Variants in ZDHHC13 observed in about 807,000 individuals in gnomAD.
The protein encoded by ZDHHC13 is palmitoyltransferase ZDHHC13.
A neutral mutation model predicts 86.0 loss-of-function variants in ZDHHC13; 85 were observed. That is an observed-to-expected ratio of 0.99 (90% CI 0.83 to 1.18). ZDHHC13 has a LOEUF of 1.18. ZDHHC13 is among the 50% of genes most tolerant of loss of function. ZDHHC13 has a pLI of 0.00. For missense variants in ZDHHC13, 711 were observed against 730.2 expected, an observed-to-expected ratio of 0.97 and a Z score of 0.30; for synonymous variants, 263 against 246.4, an observed-to-expected ratio of 1.07 and a Z score of -0.63.
chr11:19,127,304 G>C (rs945427426), intron 1 of ZDHHC13, among the ~76,000 whole-genome samples: 1 of 152,012 alleles, frequency 6.6e-6, no homozygotes, highest in African/African-American at 2.4e-5. Context: ...AATGGGGTTT[G>C]TTTTTGTCCT....
intron 1 of ZDHHC13, among the ~76,000 whole-genome samples, chr11:19,118,226 A>G (rs2133348773): frequency 6.6e-6 from 1 of 152,286 alleles, no homozygotes; most frequent in East Asian, 1.9e-4. Flanking sequence ...TAGGCGGTAG[A>G]TTCTCAGTTT....
At chr11:19,130,916 G>T (rs1848985517) in intron 1 of ZDHHC13, among the ~76,000 whole-genome samples, 1 of 151,996 alleles carries the variant, frequency 6.6e-6, no homozygotes, top group African/African-American at 2.4e-5. Flanking sequence ...CGCGATATCG[G>T]CTCACTGCAA....
At chr11:19,168,713 C>T in intron 14 of ZDHHC13, 1 of 758,694 alleles carries the variant, frequency 1.3e-6, no homozygotes, top group Non-Finnish European at 1.6e-6. Flanking sequence ...ATCCCACCTC[C>T]CTTGTTTACC....
At chr11:19,126,685 A>C (rs1233457240) in intron 1 of ZDHHC13, among the ~76,000 whole-genome samples, 1 of 151,674 alleles carries the variant, frequency 6.6e-6, no homozygotes, top group African/African-American at 2.4e-5. Flanking sequence ...AGTTCTCATC[A>C]TTTAGCTCCC....
At position 19,117,494 on chromosome 11, in the gene ZDHHC13, G is replaced by T. The variant is rs1199186567; in HGVS notation, c.27+218G>T. On this transcript the variant is annotated intron_variant, in intron 1 of 16. Coordinates refer to ENST00000446113, the MANE Select transcript of ZDHHC13 (RefSeq NM_019028.3). This position sits in a 1 kb window ranked among gnomAD's most constrained non-coding sequence, Gnocchi z 4.2. ...GGCGAGGACTGAGGGGTGAGGGCCC[G>T]AGCCGGCCCCTCCAGCCTCCATCCC... is the stretch of plus-strand genomic sequence containing the variant. Among the ~76,000 whole-genome samples the T allele has an allele frequency of 1.3e-5, 2 of 152,130 alleles. No individual in the cohort carries two copies. Among genetic ancestry groups the T allele is most frequent in the African/African-American group, 4.8e-5 (2 of 41,442 alleles).
At chr11:19,155,672 G>A (rs1006242498) in intron 8 of ZDHHC13, 124 bp from the exon 9 acceptor site, 3 of 975,446 alleles carry the variant, frequency 3.1e-6, no homozygotes, top group African/African-American at 1.8e-5. Context: ...GGAAAACTTT[G>A]TGTTAGCTTT....
intron 1 of ZDHHC13, among the ~76,000 whole-genome samples, chr11:19,124,921 G>T (rs1429325207): frequency 6.6e-6 from 1 of 152,010 alleles, no homozygotes; most frequent in Non-Finnish European, 1.5e-5. Flanking sequence ...TTGAGCCCTG[G>T]AAATAAGCAT....
chr11:19,170,622 T>G (rs1472217605), intron 15 of ZDHHC13, 54 bp downstream of exon 15: 6 of 1,439,010 alleles, frequency 4.2e-6, no homozygotes, highest in Middle Eastern at 1.9e-4. Context: ...AAACTTGTAG[T>G]GAGACAGCCT....
At chr11:19,163,103 C>T (rs1849956212) in intron 10 of ZDHHC13, among the ~76,000 whole-genome samples, 200 bp from the exon 11 acceptor site, 1 of 152,004 alleles carries the variant, frequency 6.6e-6, no homozygotes, top group Non-Finnish European at 1.5e-5. Context: ...TGAGCTTCAA[C>T]TAATAAGGAA....
chr11:19,132,400 G>T (rs866318983), intron 1 of ZDHHC13, among the ~76,000 whole-genome samples: 8 of 152,116 alleles, frequency 5.3e-5, no homozygotes, highest in African/African-American at 1.9e-4. Context: ...CTCCGCTTTG[G>T]CTGATCAGAG....
chr11:19,131,200 A>G (rs1246103916), intron 1 of ZDHHC13, among the ~76,000 whole-genome samples: 1 of 152,114 alleles, frequency 6.6e-6, no homozygotes, highest in Non-Finnish European at 1.5e-5. Flanking sequence ...TTGTATTTTC[A>G]GTAGAGACGG....
In ZDHHC13 at chr11:19,175,928, C is replaced by T. The variant is rs1397520022; in HGVS notation, c.1837C>T (p.Pro613Ser). 2 of 1,610,736 alleles carry T rather than the reference C, an allele frequency of 1.2e-6. No homozygotes were observed. The highest frequency in any genetic ancestry group is 1.7e-6 in the Non-Finnish European group (2 of 1,178,838). ...ATCACAGTACACCATGGTCTTTCAC[C>T]CAGCCAGGGAGAAGGTTCTTCGCTC... ...WTSQYTMVFH[P>S]AREKVLRSV The change falls in exon 17 of 17, where the codon CCA (proline) becomes TCA (serine). Residue 613 changes from proline (P) to serine (S), a missense_variant. By Grantham distance (74) the Pro-to-Ser change is moderately conservative. Transcript: ENST00000446113.
intron 1 of ZDHHC13, among the ~76,000 whole-genome samples, chr11:19,135,011 A>G (rs1849095687): frequency 6.6e-6 from 1 of 152,186 alleles, no homozygotes; most frequent in Non-Finnish European, 1.5e-5. Context: ...CAGCGTGGGC[A>G]ACAGAGGAAG....
At chr11:19,172,930 C>G in intron 16 of ZDHHC13, 110 bp downstream of exon 16, 1 of 955,768 alleles carries the variant, frequency 1.0e-6, no homozygotes, top group Admixed American at 3.1e-5. Context: ...AATTTGCCAT[C>G]TAGTACAGTT....
At chr11:19,123,179 A>C (rs1848794502) in intron 1 of ZDHHC13, among the ~76,000 whole-genome samples, 1 of 152,306 alleles carries the variant, frequency 6.6e-6, no homozygotes, top group East Asian at 1.9e-4. Flanking sequence ...AATATTCTCA[A>C]TTGTGGATAT....
intron 16 of ZDHHC13, among the ~76,000 whole-genome samples, chr11:19,173,266 A>G (rs1056145060): frequency 6.6e-6 from 1 of 152,182 alleles, no homozygotes; most frequent in Non-Finnish European, 1.5e-5. Context: ...CCCTATGTTG[A>G]ATGTGCCCTC....
chr11:19,141,346 T>A lies in ZDHHC13; in HGVS notation c.28-1632T>A, dbSNP rs1849315180. Among the ~76,000 whole-genome samples, 3 of 152,188 alleles carry A rather than the reference T, an allele frequency of 2.0e-5. No individual in the cohort carries two copies. The South Asian group carries it at 6.2e-4, about 31-fold the overall frequency. ...ATAATATGTACATTTGGTGTATTTG[T>A]GCTTTTAGGAAACAGAAACTTTGAT... On this transcript the variant is annotated intron_variant, in intron 1 of 16. Coordinates refer to ENST00000446113, the MANE Select transcript of ZDHHC13 (RefSeq NM_019028.3).
chr11:19,135,387 G>C (rs1310106389), intron 1 of ZDHHC13, among the ~76,000 whole-genome samples: 3 of 152,246 alleles, frequency 2.0e-5, no homozygotes, highest in Non-Finnish European at 4.4e-5. Flanking sequence ...CGGCGCACCA[G>C]GAGATTATAT....
intron 8 of ZDHHC13, among the ~76,000 whole-genome samples, chr11:19,154,065 T>C (rs905464414): frequency 6.6e-6 from 1 of 152,176 alleles, no homozygotes; most frequent in Non-Finnish European, 1.5e-5. Flanking sequence ...TCTCCCAGAG[T>C]AAAAGCAAAG....
Sources: allele counts gnomAD v4.1 joint callset (sites outside exome capture counted in the v4.1 genomes callset), GRCh38; gene constraint gnomAD v4.1.1; non-coding constraint Gnocchi (gnomAD v3.1); transcripts MANE v1.5; gene names NCBI Gene and HGNC (gene_info 2026-07-23, HGNC 2026-07-21).